The following TRPC5 variants were observed in gnomAD, a reference collection of about 807,000 sequenced individuals.
The protein encoded by TRPC5 is short transient receptor potential channel 5.
A neutral mutation model predicts 56.5 loss-of-function variants in TRPC5; 9 were observed. The observed-to-expected ratio is 0.16, with a 90% CI of 0.10 to 0.28. TRPC5 has a LOEUF of 0.28. Among genes scored for constraint, TRPC5 ranks in the 10% least tolerant of loss-of-function variants. TRPC5 has a pLI of 1.00. For missense variants in TRPC5, 469 were observed against 748.9 expected, an observed-to-expected ratio of 0.63 and a Z score of 4.36; for synonymous variants, 282 against 278.5, an observed-to-expected ratio of 1.01 and a Z score of -0.13.
At chrX:112,047,010 A>G (rs1930048460) in intron 1 of TRPC5, among the ~76,000 whole-genome samples, 1 of 111,943 alleles carries the variant, frequency 8.9e-6, no homozygotes, top group South Asian at 3.7e-4. Context: ...CACTTTGAGA[A>G]GGAATCGCTC....
chrX:112,070,521 G>T (rs1930691277), intron 1 of TRPC5, among the ~76,000 whole-genome samples: 1 of 111,195 alleles, frequency 9.0e-6, no homozygotes, highest in South Asian at 3.8e-4. Context: ...GAGTCTTTGA[G>T]ATATGAATCT....
rs193153144 is a variant in TRPC5, at chrX:112,003,367, G to A, written c.-21-50926C>T. On this transcript the variant is annotated intron_variant, in intron 1 of 10. Transcript: ENST00000262839. ...GCTGAGATTTGAAGGGTCAGTAGGA[G>A]TTAAATGATCCATCAGAAAAGAACT... Among the ~76,000 whole-genome samples, 748 of 111,177 alleles carry A rather than the reference G, an allele frequency of 6.7e-3. 4 individuals are homozygous for A. Among genetic ancestry groups the A allele is most frequent in the African/African-American group, 0.023 (695 of 30,562 alleles).
chrX:111,878,110 C>T (rs1017625587), intron 3 of TRPC5, among the ~76,000 whole-genome samples: 6 of 110,805 alleles, frequency 5.4e-5, no homozygotes, highest in Admixed American at 9.7e-5. Context: ...CTCCTTCAAA[C>T]ATCAGCTCAA....
intron 1 of TRPC5, among the ~76,000 whole-genome samples, chrX:111,997,359 G>A (rs1269054087): frequency 8.9e-6 from 1 of 111,883 alleles, no homozygotes; most frequent in Non-Finnish European, 1.9e-5. Context: ...GGTTTCTGAC[G>A]AGAGATCTGC....
chrX:111,899,951 C>T (rs184950513), intron 3 of TRPC5, among the ~76,000 whole-genome samples: 4 of 110,646 alleles, frequency 3.6e-5, no homozygotes, highest in South Asian at 3.9e-4. Context: ...TGGTCATTAT[C>T]GTTGTGACCC....
intron 1 of TRPC5, among the ~76,000 whole-genome samples, chrX:111,980,110 G>C (rs1257866712): frequency 1.8e-5 from 2 of 111,455 alleles, no homozygotes; most frequent in African/African-American, 3.3e-5. Flanking sequence ...GTAAATTGAG[G>C]TGTATTCATA....
chrX:111,778,138 G>T lies in TRPC5; in HGVS notation c.2232+847C>A, dbSNP rs142335794. 2.7e-3 allele frequency among the ~76,000 whole-genome samples: 293 copies of T among 110,527 alleles called. 1 individual carries two copies. The highest frequency in any genetic ancestry group is 0.023 in the Admixed American group (236 of 10,314). On this transcript the variant is annotated intron_variant, in intron 10 of 10. Transcript: ENST00000262839. ...CTGGGAGGGGAACATCACACACAGGGGCCTGTCAGGTGGTGGGGGTTAGGG... is the reference window on the plus strand; with the variant it reads ...CTGGGAGGGGAACATCACACACAGGTGCCTGTCAGGTGGTGGGGGTTAGGG...
In TRPC5 at chrX:111,811,029, C is replaced by T. The variant is rs575917555; in HGVS notation, c.1896+23892G>A. 6.3e-4 allele frequency among the ~76,000 whole-genome samples: 70 copies of T among 111,697 alleles called. 2 individuals carry two copies. In the South Asian group the frequency reaches 0.024, roughly 39 times the overall value. On this transcript the variant is annotated intron_variant, in intron 7 of 10. Coordinates refer to ENST00000262839, the MANE Select transcript of TRPC5 (RefSeq NM_012471.3). Reference sequence around the variant, plus strand: ...AATAAAATTTTGTGGGGATGTGGAACGGAAATGAGAATTCAAGGAGACAAA... The same window carrying T: ...AATAAAATTTTGTGGGGATGTGGAATGGAAATGAGAATTCAAGGAGACAAA...
intron 1 of TRPC5, among the ~76,000 whole-genome samples, chrX:112,063,198 T>C (rs1483953064): frequency 1.8e-5 from 2 of 111,738 alleles, no homozygotes; most frequent in African/African-American, 6.5e-5. Context: ...ACTCTGAGGT[T>C]TGAAGGGACC....
chrX:111,787,263 T>A (rs1342484945), intron 7 of TRPC5, among the ~76,000 whole-genome samples: 1 of 111,699 alleles, frequency 9.0e-6, no homozygotes, highest in Non-Finnish European at 1.9e-5. Flanking sequence ...CACTCAAAAC[T>A]GCACAACTAC....
chrX:111,874,272 G>T (rs754188041), intron 3 of TRPC5, among the ~76,000 whole-genome samples: 1 of 112,398 alleles, frequency 8.9e-6, no homozygotes, highest in South Asian at 3.7e-4. Flanking sequence ...AGGGTTCCCA[G>T]TGCCTGACAA....
intron 1 of TRPC5, among the ~76,000 whole-genome samples, chrX:112,032,536 T>G (rs769374083): frequency 8.9e-6 from 1 of 112,325 alleles, no homozygotes; most frequent in African/African-American, 3.2e-5. Context: ...GATGGGCATT[T>G]GGGTTGTTTC....
At chrX:111,950,334 A>G (rs985776015) in intron 2 of TRPC5, among the ~76,000 whole-genome samples, 2 of 111,399 alleles carry the variant, frequency 1.8e-5, no homozygotes, top group Non-Finnish European at 1.9e-5. Context: ...CAAAAAAAAA[A>G]AAGAATTAAT....
rs1926874047 is a variant in TRPC5 at position 111,944,307 on chromosome X, AGAG to A, written c.378+7733_378+7735del. Among the ~76,000 whole-genome samples, 11 of 56,631 alleles carry A rather than the reference AGAG, an allele frequency of 1.9e-4. 1 individual carries two copies. The highest frequency in any genetic ancestry group is 1.2e-3 in the African/African-American group (10 of 8,483). The allele number at this position is 56,631 out of a possible 115,157, so 49.2% of individuals were successfully genotyped here. A position where few individuals can be genotyped will look rare whatever the true frequency, so the allele number is the denominator to read the frequency against. On this transcript the variant is annotated intron_variant, in intron 2 of 10. Coordinates refer to ENST00000262839, the MANE Select transcript of TRPC5 (RefSeq NM_012471.3). ...GTGTGTGTGTGTGTGTGTGTGTGAGAGAGAGAGAGAGAGAGAGAGAGAGAGAGA... is the reference window on the plus strand; with the variant it reads ...GTGTGTGTGTGTGTGTGTGTGTGAGAAGAGAGAGAGAGAGAGAGAGAGAGA...
chrX:112,052,365 C>A (rs1284967277), intron 1 of TRPC5, among the ~76,000 whole-genome samples: 1 of 110,545 alleles, frequency 9.0e-6, no homozygotes, highest in African/African-American at 3.3e-5. Context: ...TTGTATTTTC[C>A]TAATGATTAG....
At chrX:112,024,966 C>T (rs1929376829) in intron 1 of TRPC5, among the ~76,000 whole-genome samples, 1 of 112,215 alleles carries the variant, frequency 8.9e-6, no homozygotes. Context: ...ACTAAATCAT[C>T]ACTAGTATGC....
At chrX:111,854,639 C>T (rs1402743441) in intron 3 of TRPC5, among the ~76,000 whole-genome samples, 2 of 112,104 alleles carry the variant, frequency 1.8e-5, no homozygotes, top group Non-Finnish European at 3.8e-5. Context: ...CCTTAGTCTA[C>T]GTGAGGTCAT....
chrX:111,858,956 C>T (rs1421015798), intron 3 of TRPC5, among the ~76,000 whole-genome samples: 1 of 111,405 alleles, frequency 9.0e-6, no homozygotes, highest in Non-Finnish European at 1.9e-5. Flanking sequence ...CATTCCAGAC[C>T]CTACAGTTAT....
At chrX:111,940,351 C>T (rs1010754793) in intron 2 of TRPC5, among the ~76,000 whole-genome samples, 1 of 111,582 alleles carries the variant, frequency 9.0e-6, no homozygotes, top group Non-Finnish European at 1.9e-5. Flanking sequence ...AAACCTAAGG[C>T]CATGTCTGGC....
Sources: gnomAD v4.1 joint callset for allele counts (sites outside exome capture counted in the v4.1 genomes callset) on GRCh38, gnomAD v4.1.1 for gene constraint, MANE v1.5 for transcripts, NCBI Gene and HGNC (gene_info 2026-07-23, HGNC 2026-07-21) for gene names.